ANKS1B: variants seen among roughly 807,000 people sequenced by gnomAD.
ANKS1B encodes ankyrin repeat and sterile alpha motif domain containing 1B, also known as ankyrin repeat and sterile alpha motif domain-containing protein 1B.
Under a neutral mutation model 148.3 loss-of-function variants are expected in ANKS1B, and 36 were observed. The ratio of observed to expected loss-of-function variants is 0.24; its 90% CI spans 0.19 to 0.32. ANKS1B has a LOEUF of 0.32. ANKS1B is among the 10% of genes least tolerant of loss of function. ANKS1B has a pLI of 1.00. For synonymous variants in ANKS1B, 542 were observed against 560.8 expected (o/e 0.97, Z 0.47); for missense variants, 1,157 against 1,542.6 (o/e 0.75, Z 4.19).
At chr12:98,915,233 G>A (rs541688582) in intron 17 of ANKS1B, among the ~76,000 whole-genome samples, 2 of 152,304 alleles carry the variant, frequency 1.3e-5, no homozygotes, top group South Asian at 4.1e-4. Context: ...ATCCATAGAG[G>A]GAAGATGATG....
chr12:98,832,748 T>G (rs1241363909), intron 17 of ANKS1B, among the ~76,000 whole-genome samples: 2 of 152,126 alleles, frequency 1.3e-5, no homozygotes, highest in East Asian at 1.9e-4. Context: ...ACCCCTGACA[T>G]GCTCTCCACG....
chr12:99,028,415 C>T (rs2888380), intron 17 of ANKS1B, among the ~76,000 whole-genome samples: 1 of 152,278 alleles, frequency 6.6e-6, no homozygotes, highest in African/African-American at 2.4e-5. Flanking sequence ...ACAGCTATAG[C>T]GTCAAAGGAC....
intron 9 of ANKS1B, among the ~76,000 whole-genome samples, chr12:99,651,165 C>G (rs536076411): frequency 6.6e-6 from 1 of 152,046 alleles, no homozygotes; most frequent in Non-Finnish European, 1.5e-5. Flanking sequence ...TACCAGTAGA[C>G]CCTCACAGCG....
At chr12:99,858,741 T>C (rs1177259116) in intron 1 of ANKS1B, among the ~76,000 whole-genome samples, 1 of 151,750 alleles carries the variant, frequency 6.6e-6, no homozygotes, top group Admixed American at 6.6e-5. Context: ...CTGAATGGAG[T>C]TGGAGACCAT....
At position 99,655,199 on chromosome 12, in the gene ANKS1B, A is replaced by G. The variant is rs757460105; in HGVS notation, c.1140T>C (p.Ser380=). The G allele has an allele frequency of 6.2e-7, 1 of 1,608,720 alleles. No homozygotes were observed. The highest frequency in any genetic ancestry group is 1.7e-5 in the Admixed American group (1 of 59,422). ...CTTCTCCTGGTGACAAATTGATTGT[A>G]GATGAGGTTCTCTGAAATTAAATTT... ...KNGSQSVRTS[S]TINLSPGEVE... Residue 380 remains serine (S), a synonymous_variant, in exon 9 of 27, where the codon TCT becomes TCC. Transcript: ENST00000683438.
At chr12:98,973,288 C>G (rs2099885159) in intron 17 of ANKS1B, among the ~76,000 whole-genome samples, 1 of 151,676 alleles carries the variant, frequency 6.6e-6, no homozygotes, top group Non-Finnish European at 1.5e-5. Flanking sequence ...AATTAAATTT[C>G]ATTCTATGAT....
At chr12:99,136,992 C>T (rs11109736) in intron 15 of ANKS1B, among the ~76,000 whole-genome samples, 64 of 152,258 alleles carry the variant, frequency 4.2e-4, no homozygotes, top group Non-Finnish European at 7.2e-4. Flanking sequence ...GGCATCTACT[C>T]ATTCACTTGC....
At chr12:99,267,976 T>A (rs2153986446) in intron 12 of ANKS1B, among the ~76,000 whole-genome samples, 1 of 152,326 alleles carries the variant, frequency 6.6e-6, no homozygotes, top group African/African-American at 2.4e-5. Flanking sequence ...TAGGTTATAA[T>A]GTTTGAGGGA....
chr12:99,970,531 G>GA (rs5800395), intron 1 of ANKS1B, among the ~76,000 whole-genome samples: 144,160 of 147,262 alleles, frequency 0.98, 70,554 homozygotes, highest in East Asian at 1. Context: ...CATTAAAATT[G>GA]AAAAAAAAAA....
chr12:99,325,873 A>G (rs1161269468), intron 12 of ANKS1B, among the ~76,000 whole-genome samples: 4 of 152,064 alleles, frequency 2.6e-5, no homozygotes, highest in African/African-American at 9.7e-5. Flanking sequence ...AAGAACTGCC[A>G]AAGACTGGGT....
intron 8 of ANKS1B, among the ~76,000 whole-genome samples, chr12:99,748,213 T>C (rs550976168): frequency 4.5e-4 from 69 of 152,198 alleles, no homozygotes; most frequent in African/African-American, 1.5e-3. Flanking sequence ...AGTCTATTAA[T>C]ATCTACCATG....
chr12:99,772,811 C>T (rs1340749834), intron 8 of ANKS1B, 111 bp downstream of exon 8: 1 of 1,129,770 alleles, frequency 8.9e-7, no homozygotes, highest in Non-Finnish European at 1.2e-6. Context: ...AGGAAACTGA[C>T]ATCTTAGAGT....
intron 2 of ANKS1B, among the ~76,000 whole-genome samples, chr12:99,816,912 T>TA (rs1308057785): frequency 6.6e-6 from 1 of 151,620 alleles, no homozygotes; most frequent in East Asian, 1.9e-4. Context: ...TACATAATAG[T>TA]TGTATATATT....
intron 14 of ANKS1B, among the ~76,000 whole-genome samples, chr12:99,158,427 C>A (rs771484325): frequency 3.9e-5 from 6 of 152,106 alleles, no homozygotes; most frequent in South Asian, 4.1e-4. Context: ...GAAACTGAAG[C>A]TCAGAGTATG....
intron 8 of ANKS1B, among the ~76,000 whole-genome samples, chr12:99,716,642 G>A (rs1435626284): frequency 2.0e-5 from 3 of 151,764 alleles, no homozygotes; most frequent in East Asian, 1.9e-4. Context: ...AATAATTCTT[G>A]TCGTAAAATG....
At chr12:99,211,501 T>C (rs1459165225) in intron 14 of ANKS1B, among the ~76,000 whole-genome samples, 1 of 152,230 alleles carries the variant, frequency 6.6e-6, no homozygotes, top group Non-Finnish European at 1.5e-5. Context: ...CATCTCCTCT[T>C]GCTTAGCTCA....
At chr12:99,982,987 T>C (rs2095727057) in intron 1 of ANKS1B, among the ~76,000 whole-genome samples, 1 of 152,220 alleles carries the variant, frequency 6.6e-6, no homozygotes, top group Admixed American at 6.5e-5. Context: ...AAGAACGCAA[T>C]GTCATCACCC....
chr12:99,143,977 AC>A (rs1185600884), intron 15 of ANKS1B, among the ~76,000 whole-genome samples: 1 of 152,104 alleles, frequency 6.6e-6, no homozygotes, highest in Non-Finnish European at 1.5e-5. Context: ...AGTGCTTTGG[AC>A]CATATATTTA....
At chr12:98,822,306 A>G (rs1285774718) in intron 19 of ANKS1B, among the ~76,000 whole-genome samples, 2 of 152,180 alleles carry the variant, frequency 1.3e-5, no homozygotes, top group Middle Eastern at 3.2e-3. Flanking sequence ...AAAGAAAGGG[A>G]AGAAGGAGAA....
Sources: gnomAD v4.1 joint callset for allele counts (sites outside exome capture counted in the v4.1 genomes callset) on GRCh38, gnomAD v4.1.1 for gene constraint, MANE v1.5 for transcripts, NCBI Gene and HGNC (gene_info 2026-07-23, HGNC 2026-07-21) for gene names.